The following AFAP1 variants were observed in gnomAD, a reference collection of about 807,000 sequenced individuals.
AFAP1 encodes the protein actin filament associated protein 1, also known as actin filament-associated protein 1.
A neutral mutation model predicts 93.9 loss-of-function variants in AFAP1; 75 were observed. That is an observed-to-expected ratio of 0.80 (90% confidence interval 0.66 to 0.97). AFAP1 has a LOEUF of 0.97. Ranked by LOEUF, AFAP1 falls within the 50% of genes least tolerant of loss-of-function variation. AFAP1 has a pLI of 0.00. For missense variants in AFAP1, 1,201 were observed against 1,050.8 expected (o/e 1.14, Z -1.98); for synonymous variants, 517 against 430.7 (o/e 1.20, Z -2.48).
intron 14 of AFAP1, chr4:7,778,442 C>A (rs1416654603): frequency 2.3e-6 from 1 of 427,172 alleles, no homozygotes; most frequent in African/African-American, 2.0e-5. Flanking sequence ...GGGACAGGAG[C>A]TGAGGTCTCC....
At chr4:7,909,944 C>T (rs796119262) in intron 1 of AFAP1, among the ~76,000 whole-genome samples, 4 of 152,144 alleles carry the variant, frequency 2.6e-5, no homozygotes, top group Non-Finnish European at 5.9e-5. Flanking sequence ...CACTACGAAT[C>T]GGGCTAAAAC....
chr4:7,804,157 A>C (rs1371454971), intron 9 of AFAP1, among the ~76,000 whole-genome samples: 2 of 152,050 alleles, frequency 1.3e-5, no homozygotes, highest in African/African-American at 4.8e-5. Context: ...CCGGACCCCA[A>C]GTCATGTCCA....
chr4:7,798,457 TCAC>T (rs1718693185), intron 10 of AFAP1, among the ~76,000 whole-genome samples: 1 of 110,780 alleles, frequency 9.0e-6, no homozygotes, highest in Admixed American at 9.4e-5. Flanking sequence ...ATTGGCTGGC[TCAC>T]GGCATTGCAA....
chr4:7,807,173 T>C (rs996593755), intron 9 of AFAP1, among the ~76,000 whole-genome samples: 3 of 151,938 alleles, frequency 2.0e-5, no homozygotes, highest in Admixed American at 2.0e-4. Flanking sequence ...CAAGGAAGAA[T>C]TTCTATTTCC....
chr4:7,792,264 T>C (rs1717928881), intron 11 of AFAP1, among the ~76,000 whole-genome samples: 1 of 152,220 alleles, frequency 6.6e-6, no homozygotes, highest in Non-Finnish European at 1.5e-5. Flanking sequence ...TCCAGTCGTT[T>C]ATCTTGCACT....
intron 1 of AFAP1, among the ~76,000 whole-genome samples, chr4:7,918,076 G>A (rs1207790882): frequency 6.6e-6 from 1 of 152,212 alleles, no homozygotes; most frequent in Non-Finnish European, 1.5e-5. Context: ...GAAACATGGT[G>A]GAAATGTTTT....
intron 4 of AFAP1, among the ~76,000 whole-genome samples, chr4:7,847,581 C>A (rs1317102252): frequency 6.6e-6 from 1 of 152,230 alleles, no homozygotes; most frequent in Non-Finnish European, 1.5e-5. Context: ...GCTCCACCAG[C>A]CAGAGCTGTG....
chr4:7,821,818 T>G (rs994860027), intron 6 of AFAP1, among the ~76,000 whole-genome samples: 7 of 152,170 alleles, frequency 4.6e-5, no homozygotes. Flanking sequence ...GAGACCAGGA[T>G]AGTGTTTCCA....
intron 3 of AFAP1, among the ~76,000 whole-genome samples, chr4:7,863,262 C>CA (rs1001460332): frequency 2.1e-4 from 32 of 151,904 alleles, no homozygotes; most frequent in African/African-American, 7.3e-4. Context: ...ATTAAAAAGA[C>CA]AAAAAAATTA....
chr4:7,864,164 C>CACTTT (rs1314891559), intron 3 of AFAP1, among the ~76,000 whole-genome samples: 2 of 151,914 alleles, frequency 1.3e-5, no homozygotes, highest in Admixed American at 1.3e-4. Flanking sequence ...CTCATCACAA[C>CACTTT]CCACAGGTCC....
intron 1 of AFAP1, among the ~76,000 whole-genome samples, chr4:7,899,799 T>A (rs537771262): frequency 5.9e-5 from 9 of 151,696 alleles, no homozygotes; most frequent in Non-Finnish European, 8.8e-5. Context: ...CAAATAGGCT[T>A]CAACCAACTG....
intron 7 of AFAP1, among the ~76,000 whole-genome samples, chr4:7,817,839 G>T (rs1553838477): frequency 6.6e-6 from 1 of 151,484 alleles, no homozygotes; most frequent in Non-Finnish European, 1.5e-5. Flanking sequence ...CTTGAACTCA[G>T]GAAAGAGTGG....
intron 11 of AFAP1, among the ~76,000 whole-genome samples, chr4:7,787,605 T>C (rs978744470): frequency 6.6e-6 from 1 of 152,060 alleles, no homozygotes; most frequent in Non-Finnish European, 1.5e-5. Context: ...CACAGAAACC[T>C]AGAGAATTGC....
intron 11 of AFAP1, among the ~76,000 whole-genome samples, chr4:7,791,835 C>G (rs2149006435): frequency 7.8e-6 from 1 of 128,654 alleles, no homozygotes; most frequent in Middle Eastern, 3.9e-3. Context: ...CCTGGGCAAC[C>G]CTTAATCAAA....
chr4:7,907,148 T>C (rs1372839598), intron 1 of AFAP1, among the ~76,000 whole-genome samples: 1 of 152,224 alleles, frequency 6.6e-6, no homozygotes, highest in Non-Finnish European at 1.5e-5. Context: ...CAATACAACT[T>C]GTAACAGTGA....
At chr4:7,885,320 G>A (rs1577333765) in intron 1 of AFAP1, among the ~76,000 whole-genome samples, 1 of 152,090 alleles carries the variant, frequency 6.6e-6, no homozygotes, top group East Asian at 1.9e-4. Flanking sequence ...GCCTCTGCAC[G>A]TGCCACTGCT....
At chr4:7,927,608 T>G (rs1720839884) in intron 1 of AFAP1, among the ~76,000 whole-genome samples, 1 of 152,184 alleles carries the variant, frequency 6.6e-6, no homozygotes, top group African/African-American at 2.4e-5. Context: ...GAGGATCACT[T>G]GAGCCCAGGA....
chr4:7,920,402 T>C (rs1448937611), intron 1 of AFAP1, among the ~76,000 whole-genome samples: 1 of 152,216 alleles, frequency 6.6e-6, no homozygotes, highest in African/African-American at 2.4e-5. Flanking sequence ...CGCTAACTTT[T>C]TGGATAAAAT....
At chr4:7,807,354 A>T (rs900895010) in intron 9 of AFAP1, among the ~76,000 whole-genome samples, 9 of 152,140 alleles carry the variant, frequency 5.9e-5, no homozygotes, top group Non-Finnish European at 1.2e-4. Flanking sequence ...CCCACCTTCC[A>T]TGCGCTCCAA....
Sources: gnomAD v4.1 joint callset for allele counts (sites outside exome capture counted in the v4.1 genomes callset) on GRCh38, gnomAD v4.1.1 for gene constraint, MANE v1.5 for transcripts, NCBI Gene and HGNC (gene_info 2026-07-23, HGNC 2026-07-21) for gene names.